TNKS: variants seen among roughly 807,000 people sequenced by gnomAD.
The protein encoded by TNKS is poly [ADP-ribose] polymerase tankyrase-1.
TNKS carries 72 observed loss-of-function variants against 135.8 expected under a neutral mutation model. The observed-to-expected ratio is 0.53, with a 90% CI of 0.44 to 0.64. The LOEUF is 0.64. TNKS is among the 30% of genes least tolerant of loss of function. The probability of loss-of-function intolerance (pLI) is 0.00; values close to 1 mark genes in which losing one functional copy is unlikely to be tolerated. For synonymous variants in TNKS, 849 were observed against 649.3 expected, an observed-to-expected ratio of 1.31 and a Z score of -4.68; for missense variants, 1,769 against 1,674.0, an observed-to-expected ratio of 1.06 and a Z score of -0.99.
intron 1 of TNKS, among the ~76,000 whole-genome samples, chr8:9,576,575 A>G (rs1797956719): frequency 6.7e-6 from 1 of 148,946 alleles, no homozygotes; most frequent in African/African-American, 2.5e-5. Context: ...GTTGCCACCT[A>G]CTTTTAAATC....
chr8:9,599,660 C>T (rs1314056927), intron 2 of TNKS, among the ~76,000 whole-genome samples: 1 of 152,026 alleles, frequency 6.6e-6, no homozygotes, highest in Admixed American at 6.6e-5. Flanking sequence ...TCTGATTTTA[C>T]AAATGTATTG....
intron 11 of TNKS, among the ~76,000 whole-genome samples, chr8:9,717,713 C>T (rs1804679615): frequency 6.6e-6 from 1 of 152,076 alleles, no homozygotes; most frequent in South Asian, 2.1e-4. Context: ...GATCAAGATC[C>T]TTCTCTTAAG....
chr8:9,774,694 G>C (rs1459240631), intron 26 of TNKS, among the ~76,000 whole-genome samples: 1 of 152,064 alleles, frequency 6.6e-6, no homozygotes, highest in East Asian at 1.9e-4. Flanking sequence ...TTAGGAACCG[G>C]GAGCATTTAG....
chr8:9,745,459 C>CA (rs754237139), intron 17 of TNKS, among the ~76,000 whole-genome samples: 18 of 152,212 alleles, frequency 1.2e-4, no homozygotes, highest in African/African-American at 1.4e-4. Context: ...GGCTGGAAAG[C>CA]AGTGGTGCAA....
chr8:9,704,311 A>G (rs1563178794), intron 5 of TNKS, among the ~76,000 whole-genome samples: 1 of 152,210 alleles, frequency 6.6e-6, no homozygotes, highest in Non-Finnish European at 1.5e-5. Flanking sequence ...AAGTAGGATA[A>G]GGAAGAATGT....
chr8:9,643,682 A>G (rs550702082), intron 3 of TNKS, among the ~76,000 whole-genome samples: 1 of 152,288 alleles, frequency 6.6e-6, no homozygotes, highest in East Asian at 1.9e-4. Flanking sequence ...GGATTGTAAA[A>G]TGGTGTAAGC....
At position 9,618,690 on chromosome 8, in the gene TNKS, G is replaced by T. The variant is rs150649756; in HGVS notation, c.994+3013G>T. 2.2e-3 allele frequency among the ~76,000 whole-genome samples: 328 copies of T among 152,128 alleles called. 1 individual carries two copies. The highest frequency in any genetic ancestry group is 7.6e-3 in the African/African-American group (316 of 41,506). On this transcript the variant is annotated intron_variant, in intron 3 of 26. Coordinates refer to ENST00000310430, the MANE Select transcript of TNKS (RefSeq NM_003747.3). Reference sequence around the variant, plus strand: ...AATTTTTTAAAGTAACATACTTTTGGCCTTTTCTTTCTGATTGTAAAAGAA... The same window carrying T: ...AATTTTTTAAAGTAACATACTTTTGTCCTTTTCTTTCTGATTGTAAAAGAA...
chr8:9,752,031 T>C (rs879158570), intron 19 of TNKS, among the ~76,000 whole-genome samples, 185 bp downstream of exon 19: 2 of 152,330 alleles, frequency 1.3e-5, no homozygotes, highest in East Asian at 1.9e-4. Context: ...GCATTGTCGT[T>C]GTTCTTATTT....
chr8:9,571,351 A>G (rs538481200), intron 1 of TNKS, among the ~76,000 whole-genome samples: 83 of 152,334 alleles, frequency 5.4e-4, no homozygotes, highest in African/African-American at 1.8e-3. Context: ...TAGTCTTCAC[A>G]CTGACATACA....
At position 9,654,568 on chromosome 8, in the gene TNKS, T is replaced by C. The variant is rs545409275; in HGVS notation, c.995-25383T>C. 9.8e-5 allele frequency among the ~76,000 whole-genome samples: 15 copies of C among 152,348 alleles called. No homozygotes were observed. In the South Asian group the frequency reaches 3.1e-3, roughly 32 times the overall value. The stretch of plus-strand genomic sequence containing the variant: ...AAAAAGAAGAGTAGTTGTTTTACTT[T>C]AGATGTTCATCATATATTGTTCAAA... On this transcript the variant is annotated intron_variant, in intron 3 of 26. Transcript: ENST00000310430.
At chr8:9,717,094 T>TATATATA (rs1392452812) in intron 11 of TNKS, among the ~76,000 whole-genome samples, 3 of 129,394 alleles carry the variant, frequency 2.3e-5, no homozygotes, top group Non-Finnish European at 5.0e-5. Context: ...TATATATATA[T>TATATATA]ATATATATTT....
chr8:9,556,792 T>G (rs1563374517), intron 1 of TNKS, 180 bp downstream of exon 1: 467 of 375,870 alleles, frequency 1.2e-3, no homozygotes, highest in East Asian at 1.8e-3. Flanking sequence ...GGGGCGTGGT[T>G]GGGGGGGATA....
intron 3 of TNKS, among the ~76,000 whole-genome samples, chr8:9,673,255 A>C (rs901050105): frequency 2.0e-5 from 3 of 152,110 alleles, no homozygotes; most frequent in Non-Finnish European, 4.4e-5. Context: ...CAAAGCTTTT[A>C]TTATATGAGT....
chr8:9,707,431 A>G (rs1233142178), intron 8 of TNKS, among the ~76,000 whole-genome samples: 1 of 152,144 alleles, frequency 6.6e-6, no homozygotes, highest in Non-Finnish European at 1.5e-5. Context: ...TTCTTGTGCC[A>G]TTGACAGTGA....
intron 24 of TNKS, 86 bp from the exon 25 acceptor site, chr8:9,766,153 T>A: frequency 8.6e-7 from 1 of 1,169,200 alleles, no homozygotes; most frequent in East Asian, 2.4e-5. Context: ...TTCTTAATAT[T>A]AACCTGCCCG....
chr8:9,580,099 C>A lies in TNKS; in HGVS notation c.674-60C>A, dbSNP rs545967071. ...ACTTGTTGATATTGTTACAGATATT[C>A]TAATGGTTCTTTTTACAAAATCAAA... On this transcript the variant is annotated intron_variant, in intron 1 of 26. Transcript: ENST00000310430. 5 of 1,413,386 alleles carry A rather than the reference C, an allele frequency of 3.5e-6. No individual in the cohort carries two copies. The East Asian group carries it at 1.1e-4, about 32-fold the overall frequency. 87.6% of individuals were successfully genotyped at this position (1,413,386 alleles called of 1,614,324 possible).
At chr8:9,610,552 T>C (rs896992104) in intron 2 of TNKS, among the ~76,000 whole-genome samples, 1 of 152,138 alleles carries the variant, frequency 6.6e-6, no homozygotes, top group Admixed American at 6.5e-5. Flanking sequence ...TGTACTGTAG[T>C]GAAAGTTTAG....
intron 13 of TNKS, 130 bp downstream of exon 13, chr8:9,726,850 A>G (rs1805187837): frequency 8.4e-6 from 6 of 716,204 alleles, no homozygotes; most frequent in Admixed American, 7.3e-5. Flanking sequence ...GGCAGGAAAA[A>G]TCTGTACTAC....
intron 2 of TNKS, among the ~76,000 whole-genome samples, chr8:9,592,738 TTCTGTCTGACTTTTTTTTATATTAC>T (rs1411492392): frequency 6.6e-6 from 1 of 152,226 alleles, no homozygotes; most frequent in Non-Finnish European, 1.5e-5. Context: ...GAAGGCTTGA[TTCTGTCTGACTTTTTTTTATATTAC>T]TCTGTGTTAC....
Sources: allele counts gnomAD v4.1 joint callset (sites outside exome capture counted in the v4.1 genomes callset), GRCh38; gene constraint gnomAD v4.1.1; transcripts MANE v1.5; gene names NCBI Gene and HGNC (gene_info 2026-07-23, HGNC 2026-07-21).